Variants in VANGL1 observed in about 807,000 individuals in gnomAD.
The protein encoded by VANGL1 is VANGL planar cell polarity protein 1.
In VANGL1, 18 loss-of-function variants were observed where a neutral mutation model predicts 48.4. The ratio of observed to expected loss-of-function variants is 0.37; its 90% CI spans 0.26 to 0.55. The LOEUF (loss-of-function observed/expected upper bound fraction) is 0.55, where lower values mean the gene tolerates loss of function less well. VANGL1 is among the 20% of genes least tolerant of loss of function. The pLI is 0.81. For synonymous variants in VANGL1, 257 were observed against 261.8 expected (o/e 0.98, Z 0.18); for missense variants, 667 against 675.8 (o/e 0.99, Z 0.14).
chr1:115,675,695 G>T (rs1032426909), intron 4 of VANGL1, among the ~76,000 whole-genome samples: 1 of 152,150 alleles, frequency 6.6e-6, no homozygotes, highest in Non-Finnish European at 1.5e-5. Context: ...GGGATTTGAG[G>T]CAGGAGAATT....
At position 115,691,356 on chromosome 1, in the gene VANGL1, T is replaced by G. The variant is rs754410893; in HGVS notation, c.1552T>G (p.Leu518Val). The change falls in exon 8 of 8, where the codon TTA becomes GTA. Residue 518 changes from leucine (L) to valine (V), a missense_variant. By Grantham distance (32) the Leu-to-Val change is conservative. Transcript: ENST00000355485. ...CAAATCTCACAAATTTGTCCTTCGC[T>G]TACAGTCTGAGACATCCGTTTAAAA... Reference protein sequence around the residue: ...DPKSHKFVLRLQSETSV With the variant: ...DPKSHKFVLRVQSETSV 6 of 1,614,128 alleles carry G rather than the reference T, an allele frequency of 3.7e-6. No homozygotes were observed. The South Asian group carries it at 5.5e-5, about 15-fold the overall frequency.
chr1:115,682,240 G>A (rs1343032284), intron 4 of VANGL1, 124 bp from the exon 5 acceptor site: 4 of 1,345,094 alleles, frequency 3.0e-6, no homozygotes, highest in Non-Finnish European at 4.1e-6. Context: ...GAACCCAGTG[G>A]ACTTCTGTAT....
intron 1 of VANGL1, among the ~76,000 whole-genome samples, chr1:115,642,925 G>T (rs1021092718): frequency 6.6e-6 from 1 of 152,246 alleles, no homozygotes; most frequent in African/African-American, 2.4e-5. Context: ...GGCGGCAGCA[G>T]TGGGGCGGAG....
intron 3 of VANGL1, 59 bp downstream of exon 3, chr1:115,659,832 A>G: frequency 1.2e-6 from 2 of 1,610,690 alleles, no homozygotes; most frequent in Non-Finnish European, 1.7e-6. Context: ...CCTGTCTGTA[A>G]ATGTTTTCCT....
At chr1:115,675,228 G>A (rs907618611) in intron 4 of VANGL1, among the ~76,000 whole-genome samples, 5 of 152,128 alleles carry the variant, frequency 3.3e-5, no homozygotes, top group African/African-American at 9.7e-5. Flanking sequence ...GCTGCCAGGC[G>A]CAATGGCTCA....
rs948985368 is a variant in VANGL1 at position 115,698,129 on chromosome 1, G to A, written c.*6750G>A. On this transcript the variant is annotated 3_prime_UTR_variant, in exon 8 of 8. Coordinates refer to ENST00000355485, the MANE Select transcript of VANGL1 (RefSeq NM_138959.3). ...ATTTTGTTCCTTTTTGGGTCCTCCAGTATAATCCCCCCCTCATCCCAATTA... is the reference window on the plus strand; with the variant it reads ...ATTTTGTTCCTTTTTGGGTCCTCCAATATAATCCCCCCCTCATCCCAATTA... The A allele has an allele frequency of 2.7e-5, 4 of 147,320 alleles. No homozygotes were observed. The highest frequency in any genetic ancestry group is 4.5e-5 in the Non-Finnish European group (3 of 66,918). 9.1% of individuals were successfully genotyped at this position (147,320 alleles called of 1,614,324 possible). A position where few individuals can be genotyped will look rare whatever the true frequency, so the allele number is the denominator to read the frequency against.
At chr1:115,667,126 A>T (rs552847444) in intron 4 of VANGL1, among the ~76,000 whole-genome samples, 1 of 152,318 alleles carries the variant, frequency 6.6e-6, no homozygotes, top group East Asian at 1.9e-4. Context: ...CTCTCCCTTT[A>T]TGTAAAGCCT....
chr1:115,663,847 A>G lies in VANGL1; in HGVS notation c.391A>G (p.Ile131Val), dbSNP rs1242240535. ...LLVFLTPIAF[I>V]LLPPILWRDE... ...AGTTTTCCTCACCCCTATTGCCTTCATCCTTTTACCTCCGATCCTGTGGAG... is the reference window on the plus strand; with the variant it reads ...AGTTTTCCTCACCCCTATTGCCTTCGTCCTTTTACCTCCGATCCTGTGGAG... Residue 131 changes from isoleucine (I) to valine (V), a missense_variant, in exon 4 of 8, where the codon ATC (isoleucine) becomes GTC (valine). Ile to Val is a conservative substitution (Grantham distance 29, BLOSUM62 3). Coordinates refer to ENST00000355485, the MANE Select transcript of VANGL1 (RefSeq NM_138959.3). The G allele has an allele frequency of 1.1e-5, 18 of 1,614,160 alleles. No individual in the cohort carries two copies. The highest frequency in any genetic ancestry group is 1.4e-5 in the Non-Finnish European group (17 of 1,180,040).
intron 6 of VANGL1, 110 bp downstream of exon 6, chr1:115,684,186 T>C: frequency 8.7e-7 from 1 of 1,148,670 alleles, no homozygotes; most frequent in Non-Finnish European, 1.1e-6. Context: ...TTGCCCAGGC[T>C]GGAGTGCAGT....
At chr1:115,679,691 A>G (rs1653303865) in intron 4 of VANGL1, among the ~76,000 whole-genome samples, 1 of 152,222 alleles carries the variant, frequency 6.6e-6, no homozygotes, top group African/African-American at 2.4e-5. Flanking sequence ...CTGAACAGAA[A>G]AGCAAAACCC....
Position 115,685,291 on chromosome 1 carries a change from A to G in VANGL1, c.1080-2A>G, listed in dbSNP as rs1454451862. ...ATTACTTAGTGTTGCATCACCTTCT[A>G]GGCTGGTGGTTGCAGTGGAAGAGGC... On this transcript the variant is annotated splice_acceptor_variant, in intron 6 of 7. Transcript: ENST00000355485. LOFTEE classifies it high-confidence loss of function. 1 of 1,613,966 alleles carries G rather than the reference A, an allele frequency of 6.2e-7. No individual in the cohort carries two copies. The highest frequency in any genetic ancestry group is 8.5e-7 in the Non-Finnish European group (1 of 1,179,918).
At chr1:115,642,763 G>A (rs1651784503) in intron 1 of VANGL1, 1 of 152,272 alleles carries the variant, frequency 6.6e-6, no homozygotes, top group African/African-American at 2.4e-5. Context: ...GCGGGTCTCT[G>A]CCCAAGGTGT....
intron 6 of VANGL1, among the ~76,000 whole-genome samples, 198 bp downstream of exon 6, chr1:115,684,274 G>A (rs1028195096): frequency 6.6e-6 from 1 of 151,802 alleles, no homozygotes; most frequent in African/African-American, 2.4e-5. Context: ...AAATAGCTGC[G>A]ATCACAGGCG....
chr1:115,689,414 C>T lies in VANGL1; in HGVS notation c.1315-1705C>T, dbSNP rs1323462852. On this transcript the variant is annotated intron_variant, in intron 7 of 7. Transcript: ENST00000355485. ...TGAGAGGCTGAGGCAGGTCAATCAC[C>T]TGAGGTCAGGAGTTCGAGACCAGCT... Among the ~76,000 whole-genome samples the T allele has an allele frequency of 1.4e-4, 19 of 135,768 alleles. 5 individuals carry two copies. The highest frequency in any genetic ancestry group is 3.0e-4 in the Non-Finnish European group (19 of 62,552). The allele number at this position is 135,768 out of a possible 152,430, so 89.1% of individuals were successfully genotyped here.
At chr1:115,658,617 G>A (rs895952708) in intron 2 of VANGL1, among the ~76,000 whole-genome samples, 6 of 152,160 alleles carry the variant, frequency 3.9e-5, no homozygotes, top group East Asian at 1.9e-4. Context: ...TGGGAATGAC[G>A]GCAAGTGGTT....
At chr1:115,685,144 C>A (rs1268615955) in intron 6 of VANGL1, 149 bp from the exon 7 acceptor site, 2 of 841,274 alleles carry the variant, frequency 2.4e-6, no homozygotes, top group African/African-American at 1.7e-5. Flanking sequence ...CCTCTCCACT[C>A]TCTGAGGGAC....
At chr1:115,662,840 A>G (rs188167654) in intron 3 of VANGL1, among the ~76,000 whole-genome samples, 588 of 149,426 alleles carry the variant, frequency 3.9e-3, no homozygotes, top group African/African-American at 6.4e-3. Context: ...AGGCTGGAGT[A>G]CAGTGGCACG....
In VANGL1 at chr1:115,686,932, C is replaced by T. The variant is rs866836866; in HGVS notation, c.1314+1405C>T. Among the ~76,000 whole-genome samples the T allele has an allele frequency of 7.0e-5, 6 of 85,682 alleles. 1 individual carries two copies. The South Asian group carries it at 1.2e-3, about 17-fold the overall frequency. 56.2% of individuals were successfully genotyped at this position (85,682 alleles called of 152,430 possible). A position where few individuals can be genotyped will look rare whatever the true frequency, so the allele number is the denominator to read the frequency against. ...TGTGTAAGAATTACATTGAATATGGCAACAAGGCATGTAAATCGCATGGTA... is the reference window on the plus strand; with the variant it reads ...TGTGTAAGAATTACATTGAATATGGTAACAAGGCATGTAAATCGCATGGTA... On this transcript the variant is annotated intron_variant, in intron 7 of 7. Transcript: ENST00000355485.
chr1:115,688,912 C>G (rs1423865273), intron 7 of VANGL1, among the ~76,000 whole-genome samples: 1 of 134,758 alleles, frequency 7.4e-6, no homozygotes, highest in Non-Finnish European at 1.6e-5. Flanking sequence ...GCCTCAGCCT[C>G]CCGAGTAACT....
Sources: allele counts gnomAD v4.1 joint callset (sites outside exome capture counted in the v4.1 genomes callset), GRCh38; gene constraint gnomAD v4.1.1; transcripts MANE v1.5; gene names NCBI Gene and HGNC (gene_info 2026-07-23, HGNC 2026-07-21).